Variants in RBFOX1 observed in about 807,000 individuals in gnomAD.
The protein encoded by RBFOX1 is RNA binding protein fox-1 homolog 1.
Under a neutral mutation model 57.7 loss-of-function variants are expected in RBFOX1, and 8 were observed. That is an observed-to-expected ratio of 0.14 (90% CI 0.08 to 0.25). RBFOX1 has a LOEUF of 0.25. Among genes scored for constraint, RBFOX1 ranks in the 10% least tolerant of loss-of-function variants. The pLI is 1.00. For missense variants in RBFOX1, 611 were observed against 548.5 expected, an observed-to-expected ratio of 1.11 and a Z score of -1.14; for synonymous variants, 326 against 222.4, an observed-to-expected ratio of 1.47 and a Z score of -4.15.
intron 5 of RBFOX1, among the ~76,000 whole-genome samples, chr16:7,539,876 C>T (rs1054096136): frequency 6.6e-6 from 1 of 152,198 alleles, no homozygotes; most frequent in Non-Finnish European, 1.5e-5. Flanking sequence ...ACTCCGTCCC[C>T]ATACTGGCTT....
Position 5,823,590 on chromosome 16 carries a change from A to G in RBFOX1, c.319-43713A>G, listed in dbSNP as rs187589426. Among the ~76,000 whole-genome samples the G allele has an allele frequency of 2.7e-4, 41 of 152,284 alleles. 1 individual carries two copies. The East Asian group carries it at 3.9e-3, about 14-fold the overall frequency. On this transcript the variant is annotated intron_variant, in intron 3 of 19. Transcript: ENST00000641259. ...GTTGCAGGCAAGTAAGTGAAGCTTCATCTTTATTTACAGCCACTCCCCATC... is the reference window on the plus strand; with the variant it reads ...GTTGCAGGCAAGTAAGTGAAGCTTCGTCTTTATTTACAGCCACTCCCCATC...
chr16:5,842,794 A>G (rs1299334649), intron 3 of RBFOX1, among the ~76,000 whole-genome samples: 3 of 152,074 alleles, frequency 2.0e-5, no homozygotes, highest in Admixed American at 6.5e-5. Flanking sequence ...CTTTGACCAC[A>G]TTACTATTTT....
chr16:7,026,399 G>C (rs1433047056), intron 3 of RBFOX1, among the ~76,000 whole-genome samples: 2 of 152,144 alleles, frequency 1.3e-5, no homozygotes, highest in Non-Finnish European at 2.9e-5. Context: ...AGAATTAAGT[G>C]GGTAAAGAAC....
rs376454080 is a variant in RBFOX1, at chr16:6,835,013, C to G, written c.-16+180363C>G. On this transcript the variant is annotated intron_variant, in intron 3 of 15. Coordinates refer to ENST00000550418, the MANE Select transcript of RBFOX1 (RefSeq NM_018723.4). ...GTTCACGCCATTCTCCTGCCTCAGC[C>G]TCCTGAGTAGCTGGGACTGTAGGCG... Among the ~76,000 whole-genome samples, 30 of 151,896 alleles carry G rather than the reference C, an allele frequency of 2.0e-4. No individual in the cohort carries two copies. The East Asian group carries it at 5.1e-3, about 26-fold the overall frequency.
intron 5 of RBFOX1, among the ~76,000 whole-genome samples, chr16:7,529,077 G>A (rs2079359594): frequency 6.6e-6 from 1 of 152,072 alleles, no homozygotes; most frequent in Non-Finnish European, 1.5e-5. Context: ...TGGTCAACAT[G>A]GTGAAACCCT....
intron 4 of RBFOX1, among the ~76,000 whole-genome samples, chr16:7,357,327 A>C (rs1356017289): frequency 6.6e-6 from 1 of 152,178 alleles, no homozygotes; most frequent in Admixed American, 6.5e-5. Context: ...TTTTCACTAC[A>C]AAAACATTTT....
chr16:6,872,955 C>T (rs1459920000), intron 3 of RBFOX1, among the ~76,000 whole-genome samples: 3 of 152,116 alleles, frequency 2.0e-5, no homozygotes, highest in African/African-American at 7.2e-5. Context: ...ACTTCCCCGG[C>T]CGCAGCTGGT....
At chr16:6,216,223 C>T (rs942573979) in intron 1 of RBFOX1, among the ~76,000 whole-genome samples, 1 of 151,958 alleles carries the variant, frequency 6.6e-6, no homozygotes. Context: ...GAACAACAAC[C>T]CCCCATGACA....
At chr16:7,221,114 C>T (rs1321429510) in intron 4 of RBFOX1, among the ~76,000 whole-genome samples, 1 of 152,018 alleles carries the variant, frequency 6.6e-6, no homozygotes, top group African/African-American at 2.4e-5. Context: ...ATTTGATTTG[C>T]TGCGTTTTAT....
At chr16:7,311,923 A>G (rs2096319477) in intron 4 of RBFOX1, among the ~76,000 whole-genome samples, 1 of 152,206 alleles carries the variant, frequency 6.6e-6, no homozygotes, top group South Asian at 2.1e-4. Flanking sequence ...ATTGAGCAAG[A>G]TAGTTTTTTT....
intron 3 of RBFOX1, among the ~76,000 whole-genome samples, chr16:6,735,127 C>T (rs970171549): frequency 1.3e-5 from 2 of 152,118 alleles, no homozygotes; most frequent in African/African-American, 4.8e-5. Context: ...CCAGCCTGGG[C>T]AGCAGAGTGA....
At chr16:7,226,769 A>G (rs547530952) in intron 4 of RBFOX1, among the ~76,000 whole-genome samples, 2 of 152,332 alleles carry the variant, frequency 1.3e-5, no homozygotes, top group South Asian at 4.1e-4. Flanking sequence ...AGCTCACTTC[A>G]AATTCATACT....
At chr16:6,617,423 G>C (rs1313820723) in intron 2 of RBFOX1, among the ~76,000 whole-genome samples, 1 of 151,988 alleles carries the variant, frequency 6.6e-6, no homozygotes, top group East Asian at 1.9e-4. Context: ...AGAGGGACAT[G>C]AGGAGGGGGT....
intron 4 of RBFOX1, among the ~76,000 whole-genome samples, chr16:5,982,437 G>A (rs1001299017): frequency 6.6e-6 from 1 of 152,054 alleles, no homozygotes; most frequent in African/African-American, 2.4e-5. Flanking sequence ...ACCACACCCA[G>A]CTAATTTTTG....
At chr16:7,241,811 A>G (rs965872425) in intron 4 of RBFOX1, among the ~76,000 whole-genome samples, 5 of 151,088 alleles carry the variant, frequency 3.3e-5, no homozygotes, top group Non-Finnish European at 5.9e-5. Flanking sequence ...AGATACTCAC[A>G]TATACATATA....
At chr16:6,907,391 T>C (rs945125678) in intron 3 of RBFOX1, among the ~76,000 whole-genome samples, 1 of 152,202 alleles carries the variant, frequency 6.6e-6, no homozygotes, top group Non-Finnish European at 1.5e-5. Context: ...GTATTGGTTT[T>C]CTAGGGCTTC....
chr16:7,003,052 G>A (rs970466735), intron 3 of RBFOX1, among the ~76,000 whole-genome samples: 8 of 151,504 alleles, frequency 5.3e-5, no homozygotes, highest in Admixed American at 1.3e-4. Flanking sequence ...GTTGTGTTTG[G>A]TTTCCCAAAG....
intron 3 of RBFOX1, among the ~76,000 whole-genome samples, chr16:6,788,743 G>A (rs1162613379): frequency 8.0e-6 from 1 of 125,110 alleles, no homozygotes; most frequent in Non-Finnish European, 1.6e-5. Flanking sequence ...CCAGAGTGCT[G>A]GGATTACAGG....
chr16:6,764,950 T>G (rs868053947), intron 3 of RBFOX1, among the ~76,000 whole-genome samples: 38 of 149,206 alleles, frequency 2.5e-4, no homozygotes, highest in South Asian at 1.5e-3. Flanking sequence ...AAGAAAGAAA[T>G]AAAAAAGAAA....
Sources: allele counts gnomAD v4.1 joint callset (sites outside exome capture counted in the v4.1 genomes callset), GRCh38; gene constraint gnomAD v4.1.1; transcripts MANE v1.5; gene names NCBI Gene and HGNC (gene_info 2026-07-23, HGNC 2026-07-21).